Variants in PXDNL observed in about 807,000 individuals in gnomAD.
PXDNL encodes peroxidasin like.
Under a neutral mutation model 150.8 loss-of-function variants are expected in PXDNL, and 145 were observed. The observed-to-expected ratio is 0.96, with a 90% CI of 0.84 to 1.10. The LOEUF (loss-of-function observed/expected upper bound fraction) is 1.10, where lower values mean the gene tolerates loss of function less well. PXDNL is among the 50% of genes least tolerant of loss of function. The pLI is 0.00. For missense variants in PXDNL, 2,087 were observed against 1,873.9 expected (o/e 1.11, Z -2.10); for synonymous variants, 757 against 725.7 (o/e 1.04, Z -0.69).
chr8:51,377,225 C>T (rs1016492736), intron 17 of PXDNL, among the ~76,000 whole-genome samples: 5 of 151,124 alleles, frequency 3.3e-5, no homozygotes, highest in Non-Finnish European at 5.9e-5. Context: ...CACTTGACAA[C>T]TTAGTACTTG....
intron 1 of PXDNL, among the ~76,000 whole-genome samples, chr8:51,755,178 T>C (rs1366766125): frequency 1.3e-5 from 2 of 152,196 alleles, no homozygotes; most frequent in African/African-American, 4.8e-5. Flanking sequence ...ATCTAGTAAA[T>C]TAAACTGTAA....
rs1284047135 is a variant in PXDNL at position 51,488,655 on chromosome 8, C to T, written c.453-4941G>A. ...TGCATTTTACATCCAATTGTTCAAA[C>T]TAAAATTTACACCAAAGGGAAAATT... On this transcript the variant is annotated intron_variant, in intron 5 of 22. Coordinates refer to ENST00000356297, the MANE Select transcript of PXDNL (RefSeq NM_144651.5). 2.0e-5 allele frequency among the ~76,000 whole-genome samples: 3 copies of T among 152,138 alleles called. No individual in the cohort carries two copies. In the East Asian group the frequency reaches 5.8e-4, roughly 29 times the overall value.
At chr8:51,381,661 T>G (rs928224927) in intron 17 of PXDNL, among the ~76,000 whole-genome samples, 1 of 94,556 alleles carries the variant, frequency 1.1e-5, no homozygotes, top group African/African-American at 3.2e-5. Context: ...TTTATTTATT[T>G]ATTTATTTTT....
At chr8:51,544,326 T>G (rs1011786950) in intron 4 of PXDNL, among the ~76,000 whole-genome samples, 2 of 152,152 alleles carry the variant, frequency 1.3e-5, no homozygotes, top group African/African-American at 4.8e-5. Context: ...GGCCTGATAA[T>G]AAATTATCAT....
intron 17 of PXDNL, among the ~76,000 whole-genome samples, chr8:51,388,428 T>C (rs1319344459): frequency 2.6e-5 from 4 of 152,216 alleles, no homozygotes; most frequent in Admixed American, 2.0e-4. Context: ...AGACACTTAA[T>C]GTAAGTGAAA....
chr8:51,467,788 A>G lies in PXDNL; in HGVS notation c.812+4399T>C, dbSNP rs116963135. 1.2e-3 allele frequency among the ~76,000 whole-genome samples: 188 copies of G among 152,142 alleles called. 5 individuals carry two copies. The East Asian group carries it at 0.032, about 26-fold the overall frequency. On this transcript the variant is annotated intron_variant, in intron 8 of 22. Transcript: ENST00000356297. ...TTTTTCTATTTCTCCCCAAGGTAAA[A>G]CCTTAATTCTCACAAATTTGCTCTA...
chr8:51,621,812 C>T (rs1814261847), intron 2 of PXDNL, among the ~76,000 whole-genome samples: 1 of 151,676 alleles, frequency 6.6e-6, no homozygotes. Flanking sequence ...TGGTGACTTG[C>T]ACCTGTAGTT....
At chr8:51,329,549 G>A (rs938285502) in intron 21 of PXDNL, among the ~76,000 whole-genome samples, 4 of 152,202 alleles carry the variant, frequency 2.6e-5, no homozygotes, top group African/African-American at 4.8e-5. Flanking sequence ...ACAAGCATCA[G>A]AAGCAGACCC....
chr8:51,662,966 G>T (rs957217957), intron 1 of PXDNL, among the ~76,000 whole-genome samples: 2 of 152,126 alleles, frequency 1.3e-5, no homozygotes, highest in Non-Finnish European at 2.9e-5. Flanking sequence ...AATGAATCTG[G>T]CTTGCCAATG....
chr8:51,383,981 G>A (rs553546251), intron 17 of PXDNL, among the ~76,000 whole-genome samples: 1 of 152,298 alleles, frequency 6.6e-6, no homozygotes, highest in Middle Eastern at 3.4e-3. Context: ...GTGCAAGATA[G>A]ATATGCAGCA....
At chr8:51,644,149 A>T (rs1482216266) in intron 2 of PXDNL, among the ~76,000 whole-genome samples, 5 of 151,178 alleles carry the variant, frequency 3.3e-5, no homozygotes, top group Admixed American at 6.6e-5. Flanking sequence ...CCATCTCAAA[A>T]AAATAAATAA....
intron 1 of PXDNL, among the ~76,000 whole-genome samples, chr8:51,671,890 T>C (rs1815505289): frequency 6.6e-6 from 1 of 152,234 alleles, no homozygotes; most frequent in South Asian, 2.1e-4. Context: ...AAATTTGAGT[T>C]ATTTGAAGAA....
chr8:51,380,464 C>T (rs1263351857), intron 17 of PXDNL, among the ~76,000 whole-genome samples: 2 of 151,224 alleles, frequency 1.3e-5, no homozygotes, highest in Non-Finnish European at 2.9e-5. Flanking sequence ...TGTTCGTTGT[C>T]TCCACTCTTT....
intron 6 of PXDNL, among the ~76,000 whole-genome samples, chr8:51,479,886 G>A (rs1244291500): frequency 6.6e-6 from 1 of 152,136 alleles, no homozygotes; most frequent in Non-Finnish European, 1.5e-5. Context: ...GATAGATATG[G>A]TCAGTTGATG....
intron 4 of PXDNL, among the ~76,000 whole-genome samples, chr8:51,534,773 C>G (rs1454586411): frequency 7.4e-6 from 1 of 135,064 alleles, no homozygotes; most frequent in Non-Finnish European, 1.6e-5. Flanking sequence ...GCCCGGCCAG[C>G]CGCCCCGTCC....
intron 20 of PXDNL, among the ~76,000 whole-genome samples, chr8:51,343,770 T>G (rs571494629): frequency 6.6e-6 from 1 of 152,054 alleles, no homozygotes; most frequent in Admixed American, 6.5e-5. Flanking sequence ...AATATTTGAG[T>G]CCGGTACCCA....
intron 2 of PXDNL, among the ~76,000 whole-genome samples, chr8:51,614,657 C>T (rs1814094774): frequency 6.6e-6 from 1 of 152,146 alleles, no homozygotes; most frequent in Admixed American, 6.5e-5. Flanking sequence ...CTTATAAATT[C>T]ACTCAGATGA....
chr8:51,518,708 T>C (rs1811596654), intron 4 of PXDNL, among the ~76,000 whole-genome samples: 2 of 152,134 alleles, frequency 1.3e-5, no homozygotes, highest in Non-Finnish European at 2.9e-5. Flanking sequence ...CACTGCACCC[T>C]GAGAATGAGA....
intron 5 of PXDNL, among the ~76,000 whole-genome samples, chr8:51,488,393 A>G (rs1435818301): frequency 6.6e-6 from 1 of 152,174 alleles, no homozygotes; most frequent in African/African-American, 2.4e-5. Context: ...GATTGCAAAC[A>G]AGGGTTCACA....
Sources: gnomAD v4.1 joint callset for allele counts (sites outside exome capture counted in the v4.1 genomes callset) on GRCh38, gnomAD v4.1.1 for gene constraint, MANE v1.5 for transcripts, NCBI Gene and HGNC (gene_info 2026-07-23, HGNC 2026-07-21) for gene names.